KHDRBS2: variants seen among roughly 807,000 people sequenced by gnomAD.
The protein encoded by KHDRBS2 is KH RNA binding domain containing, signal transduction associated 2.
Under a neutral mutation model 44.3 loss-of-function variants are expected in KHDRBS2, and 26 were observed. That is an observed-to-expected ratio of 0.59 (90% confidence interval 0.43 to 0.81). The LOEUF (loss-of-function observed/expected upper bound fraction) is 0.81. Ranked by LOEUF, KHDRBS2 falls within the 40% of genes least tolerant of loss-of-function variation. KHDRBS2 has a pLI of 0.00. For missense variants in KHDRBS2, 476 were observed against 433.1 expected, an observed-to-expected ratio of 1.10 and a Z score of -0.88; for synonymous variants, 194 against 151.1, an observed-to-expected ratio of 1.28 and a Z score of -2.08.
intron 2 of KHDRBS2, among the ~76,000 whole-genome samples, chr6:62,073,607 C>T (rs1427865091): frequency 8.7e-6 from 1 of 115,154 alleles, no homozygotes; most frequent in Non-Finnish European, 1.8e-5. Flanking sequence ...TGCTTTGGTT[C>T]TAGTTTATTT....
the KHDRBS2 span, among the ~76,000 whole-genome samples, chr6:61,546,689 C>A: frequency 6.6e-6 from 1 of 151,976 alleles, no homozygotes; most frequent in Admixed American, 6.6e-5. Flanking sequence ...GTGGTCACAG[C>A]GGTGGTGGGG....
At chr6:62,102,995 C>T (rs913567502) in intron 2 of KHDRBS2, among the ~76,000 whole-genome samples, 1 of 152,166 alleles carries the variant, frequency 6.6e-6, no homozygotes, top group South Asian at 2.1e-4. Flanking sequence ...CTCCCTTCCA[C>T]AGGCAGTTGT....
chr6:61,901,457 C>T (rs373987543), intron 4 of KHDRBS2, 86 bp from the exon 5 acceptor site: 71 of 374,348 alleles, frequency 1.9e-4, no homozygotes, highest in Admixed American at 2.9e-4. Flanking sequence ...CAAAACAAAA[C>T]GCAATAGGAA....
intron 2 of KHDRBS2, among the ~76,000 whole-genome samples, chr6:62,062,935 G>C (rs1028485442): frequency 6.7e-6 from 1 of 149,962 alleles, no homozygotes; most frequent in Non-Finnish European, 1.5e-5. Flanking sequence ...AATAAAAAAT[G>C]ATAAAGGGGA....
intron 8 of KHDRBS2, among the ~76,000 whole-genome samples, chr6:61,684,545 G>A (rs1766622638): frequency 6.6e-6 from 1 of 151,692 alleles, no homozygotes; most frequent in Non-Finnish European, 1.5e-5. Context: ...TTTTTTTCTA[G>A]TCCCATGGTG....
chr6:61,802,363 G>T (rs1786418518), intron 6 of KHDRBS2, among the ~76,000 whole-genome samples: 1 of 152,096 alleles, frequency 6.6e-6, no homozygotes, highest in Admixed American at 6.6e-5. Flanking sequence ...CTGATGTAAT[G>T]CTCTCAATCA....
chr6:62,277,563 C>T (rs559842852), intron 1 of KHDRBS2, among the ~76,000 whole-genome samples: 5 of 152,190 alleles, frequency 3.3e-5, no homozygotes, highest in Admixed American at 6.5e-5. Context: ...AGGATGGCCT[C>T]GATCTCCTGA....
At chr6:61,776,518 C>CA (rs1242449949) in intron 6 of KHDRBS2, among the ~76,000 whole-genome samples, 1 of 152,096 alleles carries the variant, frequency 6.6e-6, no homozygotes, top group African/African-American at 2.4e-5. Context: ...ATTTATGCAG[C>CA]AAAAGAACAC....
chr6:62,275,042 C>CACACACACAT (rs1554138988), intron 1 of KHDRBS2, among the ~76,000 whole-genome samples: 2 of 148,768 alleles, frequency 1.3e-5, no homozygotes, highest in African/African-American at 5.0e-5. Flanking sequence ...CACACACACA[C>CACACACACAT]ATATATATTC....
chr6:62,071,502 C>T (rs1401672202), intron 2 of KHDRBS2, among the ~76,000 whole-genome samples: 6 of 151,900 alleles, frequency 3.9e-5, no homozygotes, highest in East Asian at 1.9e-4. Flanking sequence ...TAATCCATCT[C>T]GAATTAATTT....
intron 4 of KHDRBS2, among the ~76,000 whole-genome samples, chr6:61,955,031 T>G (rs9453721): frequency 2.1e-5 from 3 of 140,706 alleles, no homozygotes; most frequent in African/African-American, 5.2e-5. Flanking sequence ...CATACATATA[T>G]ACATACATGT....
chr6:61,720,245 C>G (rs926613854), intron 7 of KHDRBS2, among the ~76,000 whole-genome samples: 3 of 152,142 alleles, frequency 2.0e-5, no homozygotes, highest in Non-Finnish European at 4.4e-5. Flanking sequence ...CATACGTGTG[C>G]ATGTGTCTTT....
intron 4 of KHDRBS2, among the ~76,000 whole-genome samples, chr6:61,924,860 C>T (rs528751056): frequency 6.6e-6 from 1 of 151,954 alleles, no homozygotes; most frequent in Non-Finnish European, 1.5e-5. Flanking sequence ...GTACAAAATA[C>T]ATGATAAGCT....
intron 2 of KHDRBS2, among the ~76,000 whole-genome samples, chr6:62,172,843 T>A (rs549837783): frequency 2.1e-4 from 32 of 151,624 alleles, no homozygotes; most frequent in African/African-American, 7.7e-4. Flanking sequence ...GACTTTTGAG[T>A]GAACAATGAA....
chr6:62,215,524 A>AGG (rs1329525658), intron 1 of KHDRBS2, among the ~76,000 whole-genome samples: 2 of 151,892 alleles, frequency 1.3e-5, no homozygotes, highest in East Asian at 3.8e-4. Flanking sequence ...GAAAAGAAAT[A>AGG]GGAGACATTG....
intron 2 of KHDRBS2, among the ~76,000 whole-genome samples, chr6:62,165,935 C>G (rs1348668209): frequency 2.6e-5 from 4 of 151,986 alleles, no homozygotes; most frequent in Non-Finnish European, 5.9e-5. Context: ...CAAACAAAAA[C>G]TCGGTACCCA....
intron 6 of KHDRBS2, among the ~76,000 whole-genome samples, chr6:61,755,905 T>A (rs1397960721): frequency 1.3e-5 from 2 of 151,938 alleles, no homozygotes; most frequent in Middle Eastern, 3.2e-3. Flanking sequence ...GTAGGTGGAG[T>A]TAGAGTCCAC....
At chr6:62,163,935 T>A (rs1022560793) in intron 2 of KHDRBS2, among the ~76,000 whole-genome samples, 2 of 152,020 alleles carry the variant, frequency 1.3e-5, no homozygotes, top group Non-Finnish European at 2.9e-5. Flanking sequence ...TATTTTACAA[T>A]GTTTTAAAGT....
intron 6 of KHDRBS2, among the ~76,000 whole-genome samples, chr6:61,762,743 G>A (rs1041344231): frequency 1.3e-5 from 2 of 152,066 alleles, no homozygotes; most frequent in African/African-American, 4.8e-5. Flanking sequence ...GTAACGGCAT[G>A]GTTTCACACA....
Sources: gnomAD v4.1 joint callset for allele counts (sites outside exome capture counted in the v4.1 genomes callset) on GRCh38, gnomAD v4.1.1 for gene constraint, MANE v1.5 for transcripts, NCBI Gene and HGNC (gene_info 2026-07-23, HGNC 2026-07-21) for gene names.